The following METTL5 variants were observed in gnomAD, a reference collection of about 807,000 sequenced individuals.
The protein encoded by METTL5 is methyltransferase 5, N6-adenosine.
METTL5 carries 28 observed loss-of-function variants against 26.5 expected under a neutral mutation model. The observed-to-expected ratio is 1.06, with a 90% CI of 0.78 to 1.45. METTL5 has a LOEUF of 1.45. Among genes scored for constraint, METTL5 ranks in the 40% most tolerant of loss-of-function variants. The probability of loss-of-function intolerance (pLI) is 0.00; values close to 1 mark genes in which losing one functional copy is unlikely to be tolerated. For missense variants in METTL5, 231 were observed against 249.9 expected (o/e 0.92, Z 0.51); for synonymous variants, 86 against 82.6 (o/e 1.04, Z -0.22).
At chr2:169,823,324 T>G (rs1190098076) in intron 1 of METTL5, among the ~76,000 whole-genome samples, 1 of 152,122 alleles carries the variant, frequency 6.6e-6, no homozygotes, top group Non-Finnish European at 1.5e-5. Context: ...AAACCTACAG[T>G]CAGAAGACTA....
At chr2:169,821,431 C>A (rs2081583857) in intron 2 of METTL5, among the ~76,000 whole-genome samples, 158 bp from the exon 3 acceptor site, 1 of 150,264 alleles carries the variant, frequency 6.7e-6, no homozygotes, top group African/African-American at 2.5e-5. Context: ...TTTTTTCAGA[C>A]AGGATCTTGC....
chr2:169,824,343 T>A, intron 1 of METTL5, 146 bp downstream of exon 1: 3 of 650,528 alleles, frequency 4.6e-6, no homozygotes, highest in East Asian at 2.6e-5. Flanking sequence ...AGCTGCAGTG[T>A]CAAGGAAGGC....
intron 1 of METTL5, 158 bp downstream of exon 1, chr2:169,824,331 T>C: frequency 4.9e-6 from 3 of 618,458 alleles, no homozygotes; most frequent in Non-Finnish European, 2.9e-6. Flanking sequence ...GGGTGTGCCT[T>C]GAGCTGCAGT....
At position 169,819,598 on chromosome 2, in the gene METTL5, G is replaced by A. The variant is rs2081556676; in HGVS notation, c.452C>T (p.Thr151Ile). ...FLKTALEMAR[T>I]AVYSLHKSST... ...GGATTTGTGTAAGGAATATACTGCT[G>A]TTCTTGCCATTTCCAAAGCAGTCTT... is the stretch of plus-strand genomic sequence containing the variant. The change falls in exon 4 of 7, where the codon ACA becomes ATA. Residue 151 changes from threonine (T) to isoleucine (I), a missense_variant. Thr to Ile is a moderately conservative substitution (Grantham distance 89, BLOSUM62 -1). Coordinates refer to ENST00000260953, the MANE Select transcript of METTL5 (RefSeq NM_014168.4). 6 of 1,613,202 alleles carry A rather than the reference G, an allele frequency of 3.7e-6. No homozygotes were observed. The highest frequency in any genetic ancestry group is 5.1e-6 in the Non-Finnish European group (6 of 1,179,536).
rs755500597 is a variant in METTL5, at chr2:169,824,576, C to T, written c.22G>A (p.Glu8Lys). 6 of 1,613,904 alleles carry T rather than the reference C, an allele frequency of 3.7e-6. No homozygotes were observed. In the African/African-American group the frequency reaches 6.7e-5, roughly 18 times the overall value. The part of the protein sequence containing the change: MKKVRLK[E>K]LESRLQQVDG... ...ACTTGTTGCAGGCGACTCTCTAGTT[C>T]CTTAAGCCTTACTTTCTTCATTTTG... Residue 8 changes from glutamate to lysine, a missense_variant, in exon 1 of 7, where the codon GAA (glutamate) becomes AAA (lysine). By Grantham distance (56) the Glu-to-Lys change is moderately conservative. Coordinates refer to ENST00000260953, the MANE Select transcript of METTL5 (RefSeq NM_014168.4).
chr2:169,815,569 TAATGA>T (rs1322771567), intron 4 of METTL5, 41 bp from the exon 5 acceptor site: 1 of 1,456,048 alleles, frequency 6.9e-7, no homozygotes, highest in South Asian at 1.3e-5. Flanking sequence ...GATTTTTAAA[TAATGA>T]TTTTTTAAAA....
intron 6 of METTL5, chr2:169,812,179 C>CT (rs1195689458): frequency 3.5e-6 from 2 of 573,360 alleles, no homozygotes; most frequent in Non-Finnish European, 5.9e-6. Flanking sequence ...CCTAGGCTGG[C>CT]TTTGTATATT....
intron 4 of METTL5, among the ~76,000 whole-genome samples, chr2:169,816,981 T>G (rs1050844180): frequency 2.6e-5 from 4 of 152,034 alleles, no homozygotes; most frequent in Admixed American, 6.5e-5. Flanking sequence ...CAAAAGAAAC[T>G]ATCATGAAAG....
At chr2:169,813,707 T>A (rs6711392) in intron 5 of METTL5, among the ~76,000 whole-genome samples, 147,371 of 150,832 alleles carry the variant, frequency 0.98, 72,057 homozygotes, top group Non-Finnish European at 1. Context: ...ATAATAATAA[T>A]AAAAAAAACA....
chr2:169,815,604 G>C, intron 4 of METTL5, 76 bp from the exon 5 acceptor site: 2 of 1,077,976 alleles, frequency 1.9e-6, no homozygotes, highest in Non-Finnish European at 2.7e-6. Context: ...ACTAATACTT[G>C]AGATTGAGTT....
intron 4 of METTL5, among the ~76,000 whole-genome samples, chr2:169,817,681 C>T (rs543245022): frequency 9.4e-5 from 14 of 148,896 alleles, no homozygotes; most frequent in South Asian, 2.1e-4. Flanking sequence ...AACCAAACAC[C>T]GCATGTTCTC....
At chr2:169,812,794 C>A (rs1253228829) in intron 5 of METTL5, 1 of 262,756 alleles carries the variant, frequency 3.8e-6, no homozygotes, top group African/African-American at 2.2e-5. Context: ...AATGATGGTA[C>A]CTTTCTATTT....
chr2:169,821,968 T>A lies in METTL5; in HGVS notation c.199A>T (p.Ile67Phe). 6.2e-7 allele frequency: 1 copy of A among 1,613,814 alleles called. No individual in the cohort carries two copies. The highest frequency in any genetic ancestry group is 1.3e-5 in the African/African-American group (1 of 74,986). The change falls in exon 2 of 7, where the codon ATC becomes TTC. Residue 67 changes from isoleucine to phenylalanine, a missense_variant. Transcript: ENST00000260953. ...DLGCGCGVLS[I>F]GTAMLGAGLC... The stretch of plus-strand genomic sequence containing the variant: ...CCTGCTCCTAACATTGCAGTTCCGA[T>A]GCTAAGTACTCCACAACCACATCCT...
chr2:169,818,050 C>G (rs376089181), intron 4 of METTL5, among the ~76,000 whole-genome samples: 1 of 152,116 alleles, frequency 6.6e-6, no homozygotes, highest in African/African-American at 2.4e-5. Context: ...CTCCCACTCC[C>G]TACTCCCTTA....
intron 4 of METTL5, among the ~76,000 whole-genome samples, chr2:169,816,054 A>G (rs1436334935): frequency 2.6e-5 from 4 of 152,222 alleles, no homozygotes; most frequent in Non-Finnish European, 5.9e-5. Context: ...CACAATGATG[A>G]AATCACCTCA....
At chr2:169,823,188 A>G (rs1417674414) in intron 1 of METTL5, among the ~76,000 whole-genome samples, 2 of 151,970 alleles carry the variant, frequency 1.3e-5, no homozygotes, top group African/African-American at 4.8e-5. Flanking sequence ...TGTATTGCCC[A>G]GGCTGATCTT....
intron 5 of METTL5, among the ~76,000 whole-genome samples, chr2:169,814,341 G>A (rs1420876670): frequency 6.6e-6 from 1 of 151,616 alleles, no homozygotes; most frequent in Non-Finnish European, 1.5e-5. Flanking sequence ...TAAAAAATTA[G>A]CCGGGCGTGG....
rs886104768 is a variant in METTL5 at position 169,821,049 on chromosome 2, C to A, written c.406+43G>T. 4.0e-6 allele frequency: 6 copies of A among 1,488,000 alleles called. No homozygotes were observed. The African/African-American group carries it at 5.7e-5, about 14-fold the overall frequency. The allele number at this position is 1,488,000 out of a possible 1,614,324, so 92.2% of individuals were successfully genotyped here. On this transcript the variant is annotated intron_variant, in intron 3 of 6. Transcript: ENST00000260953. ...CTGGCCTTAAAAATGGTTTTAAAAT[C>A]TTTTCTATAAATATACCAATATACC...
At chr2:169,819,442 C>T in intron 4 of METTL5, 119 bp downstream of exon 4, 3 of 659,748 alleles carry the variant, frequency 4.5e-6, no homozygotes, top group Non-Finnish European at 7.3e-6. Context: ...TTAAGTTTCA[C>T]ATGTCAAAAT....
Sources: allele counts gnomAD v4.1 joint callset (sites outside exome capture counted in the v4.1 genomes callset), GRCh38; gene constraint gnomAD v4.1.1; transcripts MANE v1.5; gene names NCBI Gene and HGNC (gene_info 2026-07-23, HGNC 2026-07-21).